The following PROM1 variants were observed in gnomAD, a reference collection of about 807,000 sequenced individuals.
PROM1 encodes prominin-1.
PROM1 carries 105 observed loss-of-function variants against 116.9 expected under a neutral mutation model. That is an observed-to-expected ratio of 0.90 (90% confidence interval 0.77 to 1.06). PROM1 has a LOEUF of 1.06. Among genes scored for constraint, PROM1 ranks in the 50% least tolerant of loss-of-function variants. PROM1 has a pLI of 0.00. For missense variants in PROM1, 1,122 were observed against 1,045.2 expected (o/e 1.07, Z -1.01); for synonymous variants, 393 against 387.0 (o/e 1.02, Z -0.18).
chr4:16,007,484 C>G (rs1400713149), intron 12 of PROM1, among the ~76,000 whole-genome samples: 3 of 152,200 alleles, frequency 2.0e-5, no homozygotes, highest in Non-Finnish European at 2.9e-5. Context: ...CCAAGCAGCA[C>G]CACTGAAGCT....
chr4:16,036,381 T>C (rs1335990592), intron 3 of PROM1, among the ~76,000 whole-genome samples: 1 of 152,176 alleles, frequency 6.6e-6, no homozygotes, highest in African/African-American at 2.4e-5. Context: ...TCTTCACAGC[T>C]CTGAGGGAAC....
At chr4:16,042,394 T>C (rs988734517) in intron 2 of PROM1, among the ~76,000 whole-genome samples, 3 of 152,160 alleles carry the variant, frequency 2.0e-5, no homozygotes, top group Admixed American at 1.3e-4. Flanking sequence ...TCATGCATCA[T>C]GTCACAAAAG....
At chr4:16,044,530 A>G (rs368608279) in intron 2 of PROM1, among the ~76,000 whole-genome samples, 9 of 152,210 alleles carry the variant, frequency 5.9e-5, no homozygotes, top group Admixed American at 2.6e-4. Flanking sequence ...CCCCATCTTA[A>G]ACACACATAG....
intron 1 of PROM1, chr4:16,082,492 G>A (rs1178656840): frequency 6.6e-6 from 1 of 152,280 alleles, no homozygotes; most frequent in African/African-American, 2.4e-5. Flanking sequence ...GCAGAATGAA[G>A]CCTGGGGCGC....
intron 12 of PROM1, among the ~76,000 whole-genome samples, chr4:16,007,262 A>G (rs1430925940): frequency 6.6e-6 from 1 of 152,228 alleles, no homozygotes; most frequent in East Asian, 1.9e-4. Context: ...TTTTATGAGC[A>G]TCCTAAATCA....
intron 5 of PROM1, among the ~76,000 whole-genome samples, chr4:16,030,352 T>A (rs1323693259): frequency 6.6e-6 from 1 of 152,224 alleles, no homozygotes; most frequent in Non-Finnish European, 1.5e-5. Context: ...TTTGTCACAA[T>A]CTCAGTTGAT....
intron 1 of PROM1, among the ~76,000 whole-genome samples, chr4:16,081,532 A>C (rs1482447609): frequency 6.6e-6 from 1 of 152,206 alleles, no homozygotes; most frequent in African/African-American, 2.4e-5. Context: ...AATGGGATCT[A>C]ATTAAACTAA....
intron 2 of PROM1, among the ~76,000 whole-genome samples, chr4:16,071,184 C>T (rs1415813995): frequency 6.6e-6 from 1 of 152,204 alleles, no homozygotes; most frequent in South Asian, 2.1e-4. Flanking sequence ...AACCTATCAG[C>T]TGTTGATGGG....
chr4:16,030,488 A>T (rs912752939), intron 5 of PROM1, among the ~76,000 whole-genome samples: 1 of 152,208 alleles, frequency 6.6e-6, no homozygotes, highest in African/African-American at 2.4e-5. Flanking sequence ...ATGCATTTTT[A>T]AAAAGAATTT....
At chr4:16,026,182 G>A (rs535007544) in intron 5 of PROM1, among the ~76,000 whole-genome samples, 3 of 152,258 alleles carry the variant, frequency 2.0e-5, no homozygotes, top group African/African-American at 4.8e-5. Context: ...AAACCAAAAC[G>A]TCTTTTTTCA....
At chr4:16,029,892 T>A (rs761213508) in intron 5 of PROM1, among the ~76,000 whole-genome samples, 2 of 151,902 alleles carry the variant, frequency 1.3e-5, no homozygotes, top group African/African-American at 2.4e-5. Context: ...AGGCCCTGCA[T>A]TAAACAAGAG....
Position 16,024,378 on chromosome 4 carries a change from T to C in PROM1, c.631-20A>G. On this transcript the variant is annotated intron_variant, in intron 6 of 27. Coordinates refer to ENST00000447510, the MANE Select transcript of PROM1 (RefSeq NM_006017.3). ...GATTTGCTGAAAAAAGAACATTCTG[T>C]GAAACCTCCCCTTCTAAGGTCCAAA... 1 of 1,599,244 alleles carries C rather than the reference T, an allele frequency of 6.3e-7. No individual in the cohort carries two copies. The highest frequency in any genetic ancestry group is 8.5e-7 in the Non-Finnish European group (1 of 1,171,246).
chr4:16,075,477 C>G (rs912919069), intron 2 of PROM1, among the ~76,000 whole-genome samples: 9 of 152,216 alleles, frequency 5.9e-5, no homozygotes, highest in African/African-American at 2.2e-4. Context: ...ATAGCAACAT[C>G]GTTTGCTTCC....
chr4:16,072,884 C>T lies in PROM1; in HGVS notation c.220+2803G>A, dbSNP rs558978119. 2.6e-5 allele frequency among the ~76,000 whole-genome samples: 4 copies of T among 152,270 alleles called. No individual in the cohort carries two copies. In the South Asian group the frequency reaches 8.3e-4, roughly 32 times the overall value. On this transcript the variant is annotated intron_variant, in intron 2 of 27. Coordinates refer to ENST00000447510, the MANE Select transcript of PROM1 (RefSeq NM_006017.3). ...TGCCACCCAGATAGATAAACTGGCT[C>T]ACCTGGTCTTGTGACCCCCACCCAG...
chr4:16,004,840 C>CTTTTT lies in PROM1; in HGVS notation c.1454+1697_1454+1698insAAAAA, dbSNP rs1560460184. ...CTTTCTTTCTTTCTTTTTCTTCCTT[C>CTTTTT]CTTCCTTCCTTCCTTCCTTCCTCTC... On this transcript the variant is annotated intron_variant, in intron 13 of 27. Transcript: ENST00000447510. 1.3e-3 allele frequency among the ~76,000 whole-genome samples: 150 copies of CTTTTT among 117,974 alleles called. 1 individual carries two copies. The highest frequency in any genetic ancestry group is 4.4e-3 in the African/African-American group (146 of 33,118). 77.4% of individuals were successfully genotyped at this position (117,974 alleles called of 152,430 possible). A position where few individuals can be genotyped will look rare whatever the true frequency, so the allele number is the denominator to read the frequency against.
At chr4:16,003,424 C>T (rs149731122) in intron 13 of PROM1, 1 of 456,656 alleles carries the variant, frequency 2.2e-6, no homozygotes, top group African/African-American at 2.0e-5. Flanking sequence ...TATAGCCTGA[C>T]AAACTGCTTT....
intron 10 of PROM1, among the ~76,000 whole-genome samples, chr4:16,015,914 G>A (rs1439576341): frequency 6.6e-6 from 1 of 152,082 alleles, no homozygotes; most frequent in East Asian, 1.9e-4. Flanking sequence ...CTGAGGCCTA[G>A]GAAAGCAGAG....
In PROM1 at chr4:16,009,015, TA is replaced by T. The variant is rs1460604134; in HGVS notation, c.1234del (p.Tyr412MetfsTer34). On this transcript the variant is annotated frameshift_variant, in exon 12 of 28. Transcript: ENST00000447510. LOFTEE classifies it high-confidence loss of function. ...GATGTAACTTTCAGTGTTATTAACATAAACAGAGAATGCTGAGAGTATATCC... is the reference window on the plus strand; with the variant it reads ...GATGTAACTTTCAGTGTTATTAACATAACAGAGAATGCTGAGAGTATATCC... ...IQDILSAFSV[Y>X]VNNTESYIHR... is the part of the protein sequence containing the mutation. The T allele has an allele frequency of 9.4e-6, 15 of 1,595,776 alleles. No individual in the cohort carries two copies. Among genetic ancestry groups the T allele is most frequent in the Non-Finnish European group, 1.3e-5 (15 of 1,163,976 alleles).
chr4:16,009,150 A>C (rs1346714631), intron 11 of PROM1, 42 bp from the exon 12 acceptor site: 21 of 1,564,810 alleles, frequency 1.3e-5, no homozygotes, highest in Non-Finnish European at 1.8e-5. Flanking sequence ...GCAAACATGG[A>C]GGAAATAGAA....
Sources: gnomAD v4.1 joint callset for allele counts (sites outside exome capture counted in the v4.1 genomes callset) on GRCh38, gnomAD v4.1.1 for gene constraint, MANE v1.5 for transcripts, NCBI Gene and HGNC (gene_info 2026-07-23, HGNC 2026-07-21) for gene names.